H3C4: variants seen among roughly 807,000 people sequenced by gnomAD.
H3C4 encodes the protein histone H3.1.
H3C4 carries 10 observed loss-of-function variants against 8.7 expected under a neutral mutation model. The ratio of observed to expected loss-of-function variants is 1.15; its 90% CI spans 0.71 to 1.96. H3C4 has a LOEUF of 1.96. Among genes scored for constraint, H3C4 ranks in the 30% most tolerant of loss-of-function variants. The pLI is 0.00. For synonymous variants in H3C4, 141 were observed against 80.1 expected, an observed-to-expected ratio of 1.76 and a Z score of -4.06; for missense variants, 216 against 192.9, an observed-to-expected ratio of 1.12 and a Z score of -0.71.
Position 26,197,285 on chromosome 6 carries a change from A to AG in H3C4, c.-36_-35insC. On this transcript the variant is annotated 5_prime_UTR_variant, in exon 1 of 1. Coordinates refer to ENST00000356476, the MANE Select transcript of H3C4 (RefSeq NM_001376937.1). ...CTAAACCCTGCTAAATGACGAAAAA[A>AG]CGAAAGTCTAGCCTTTCGTACCCGT... 1 of 1,588,838 alleles carries AG rather than the reference A, an allele frequency of 6.3e-7. No homozygotes were observed. Among genetic ancestry groups the AG allele is most frequent in the Non-Finnish European group, 8.5e-7 (1 of 1,171,972 alleles).
In H3C4 at chr6:26,197,276, G is replaced by A. The variant is rs565619787; in HGVS notation, c.-26C>T. On this transcript the variant is annotated 5_prime_UTR_variant, in exon 1 of 1. Transcript: ENST00000356476. Reference sequence around the variant, plus strand: ...TGCGAACTTCTAAACCCTGCTAAATGACGAAAAAACGAAAGTCTAGCCTTT... The same window carrying A: ...TGCGAACTTCTAAACCCTGCTAAATAACGAAAAAACGAAAGTCTAGCCTTT... 7.4e-5 allele frequency: 117 copies of A among 1,588,650 alleles called. 3 individuals are homozygous for A. The South Asian group carries it at 1.3e-3, about 17-fold the overall frequency.
chr6:26,198,730 A>T, upstream of H3C4: 1 of 980,546 alleles, frequency 1.0e-6, no homozygotes, highest in Non-Finnish European at 1.5e-6. Flanking sequence ...ATTATTAAAG[A>T]AAACTGCAAA....
chr6:26,199,157 G>T, upstream of H3C4: 8 of 1,614,192 alleles, frequency 5.0e-6, no homozygotes, highest in Non-Finnish European at 6.8e-6. Flanking sequence ...GGTGTACGCG[G>T]CCCACAGGGA....
chr6:26,199,252 C>G (rs376523430), upstream of H3C4: 2 of 1,591,828 alleles, frequency 1.3e-6, no homozygotes, highest in South Asian at 1.2e-5. Context: ...ATTTTGAATT[C>G]TTAAAAACGA....
chr6:26,198,175 C>G (rs1360737944), upstream of H3C4, among the ~76,000 whole-genome samples: 3 of 152,178 alleles, frequency 2.0e-5, no homozygotes, highest in East Asian at 3.8e-4. Context: ...AAGTCACTAA[C>G]TATATTTTTA....
At chr6:26,198,773 T>C (rs750883078), upstream of H3C4, 14 of 1,428,314 alleles carry the variant, frequency 9.8e-6, no homozygotes, top group South Asian at 1.2e-5. Flanking sequence ...TGAGCCCTTT[T>C]AAGGAATACA....
chr6:26,198,035 G>A (rs939685126), upstream of H3C4, among the ~76,000 whole-genome samples: 7 of 151,634 alleles, frequency 4.6e-5, no homozygotes, highest in African/African-American at 1.2e-4. Flanking sequence ...AATTAATTAG[G>A]GTTAGCTCAG....
At chr6:26,198,344 TTTG>T (rs1765030463), upstream of H3C4, among the ~76,000 whole-genome samples, 1 of 151,964 alleles carries the variant, frequency 6.6e-6, no homozygotes, top group Non-Finnish European at 1.5e-5. Flanking sequence ...TGGGTTTTTG[TTTG>T]TTTTGAGACA....
rs756483478 is a variant in H3C4, at chr6:26,197,113, C to T, written c.138G>A (p.Thr46=). 6.2e-7 allele frequency: 1 copy of T among 1,614,184 alleles called. No individual in the cohort carries two copies. Among genetic ancestry groups the T allele is most frequent in the Non-Finnish European group, 8.5e-7 (1 of 1,180,030 alleles). Residue 46 remains threonine, a synonymous_variant, in exon 1 of 1, where the codon ACG becomes ACA. Transcript: ENST00000356476. ...VKKPHRYRPG[T]VALREIRRYQ... is the part of the protein sequence containing the mutation. ...AGCGGCGGATCTCGCGCAGAGCCAC[C>T]GTGCCGGGCCGGTAACGGTGGGGCT...
upstream of H3C4, chr6:26,199,152 A>G (rs984669097): frequency 1.2e-6 from 2 of 1,614,152 alleles, no homozygotes; most frequent in African/African-American, 2.7e-5. Flanking sequence ...CAAGCGGTGT[A>G]CGCGGCCCAC....
At chr6:26,199,257 A>C (rs1275621297), upstream of H3C4, 1 of 1,590,966 alleles carries the variant, frequency 6.3e-7, no homozygotes, top group East Asian at 2.2e-5. Context: ...GAATTCTTAA[A>C]AACGATGTTA....
chr6:26,197,667 G>A (rs779381223), upstream of H3C4, among the ~76,000 whole-genome samples: 1 of 151,966 alleles, frequency 6.6e-6, no homozygotes, highest in African/African-American at 2.4e-5. Context: ...CTTAAGTTTA[G>A]AAAGGTTAAT....
At position 26,197,152 on chromosome 6, in the gene H3C4, G is replaced by A. The variant is rs2113856858; in HGVS notation, c.99C>T (p.Thr33=). 6.2e-7 allele frequency: 1 copy of A among 1,614,136 alleles called. No individual in the cohort carries two copies. The highest frequency in any genetic ancestry group is 8.5e-7 in the Non-Finnish European group (1 of 1,180,020). Residue 33 remains threonine, a synonymous_variant, in exon 1 of 1, where the codon ACC becomes ACT. Coordinates refer to ENST00000356476, the MANE Select transcript of H3C4 (RefSeq NM_001376937.1). ...AACGGTGGGGCTTCTTCACGCCGCC[G>A]GTGGCTGGAGCGCTCTTTCGAGCAG... is the stretch of plus-strand genomic sequence containing the variant. ...TKAARKSAPA[T]GGVKKPHRYR...
rs1561980553 is a variant in H3C4 at position 26,197,129 on chromosome 6, C to G, written c.122G>C (p.Arg41Pro). Residue 41 changes from arginine (R) to proline (P), a missense_variant, in exon 1 of 1, where the codon CGT becomes CCT. Physicochemically the swap from Arg to Pro is moderately radical, Grantham distance 103 (BLOSUM62 -2). Coordinates refer to ENST00000356476, the MANE Select transcript of H3C4 (RefSeq NM_001376937.1). ...CAGAGCCACCGTGCCGGGCCGGTAA[C>G]GGTGGGGCTTCTTCACGCCGCCGGT... Reference protein sequence around the residue: ...PATGGVKKPHRYRPGTVALRE... With the variant: ...PATGGVKKPHPYRPGTVALRE... 6.2e-7 allele frequency: 1 copy of G among 1,614,198 alleles called. No homozygotes were observed. The highest frequency in any genetic ancestry group is 8.5e-7 in the Non-Finnish European group (1 of 1,180,030).
At chr6:26,198,715 G>A, upstream of H3C4, 5 of 827,814 alleles carry the variant, frequency 6.0e-6, no homozygotes, top group Non-Finnish European at 7.5e-6. Flanking sequence ...CTTATAAATG[G>A]AAAAATTATT....
At chr6:26,199,189 A>C (rs765570067), upstream of H3C4, 31 of 1,613,840 alleles carry the variant, frequency 1.9e-5, no homozygotes, top group South Asian at 7.7e-5. Flanking sequence ...GCCCGCGAAG[A>C]GCGGGTCTTA....
At position 26,196,831 on chromosome 6, in the gene H3C4, C is replaced by G. The variant is rs748656985; in HGVS notation, c.*9G>C. ...TTGGGTTTTGGTTAGCACACATTCA[C>G]AAGACAATTTACGCCCTCTCCCCAC... On this transcript the variant is annotated 3_prime_UTR_variant, in exon 1 of 1. Transcript: ENST00000356476. 2 of 1,614,026 alleles carry G rather than the reference C, an allele frequency of 1.2e-6. No homozygotes were observed. Among genetic ancestry groups the G allele is most frequent in the Non-Finnish European group, 1.7e-6 (2 of 1,180,000 alleles).
chr6:26,198,728 AG>A, upstream of H3C4: 1 of 958,318 alleles, frequency 1.0e-6, no homozygotes, highest in Non-Finnish European at 1.6e-6. Flanking sequence ...AAATTATTAA[AG>A]AAAACTGCAA....
In H3C4 at chr6:26,197,045, T is replaced by C; in HGVS notation, c.206A>G (p.Gln69Arg). ...TELLIRKLPF[Q>R]RLVREIAQDF... Reference sequence around the variant, plus strand: ...CTGCGCGATCTCACGGACTAGACGCTGGAATGGCAGTTTGCGAATCAGCAG... The same window carrying C: ...CTGCGCGATCTCACGGACTAGACGCCGGAATGGCAGTTTGCGAATCAGCAG... The change falls in exon 1 of 1, where the codon CAG becomes CGG. Residue 69 changes from glutamine (Q) to arginine (R), a missense_variant. Transcript: ENST00000356476. The C allele has an allele frequency of 3.1e-6, 5 of 1,614,194 alleles. No homozygotes were observed. Among genetic ancestry groups the C allele is most frequent in the Non-Finnish European group, 4.2e-6 (5 of 1,180,032 alleles).
Sources: allele counts gnomAD v4.1 joint callset (sites outside exome capture counted in the v4.1 genomes callset), GRCh38; gene constraint gnomAD v4.1.1; transcripts MANE v1.5; gene names NCBI Gene and HGNC (gene_info 2026-07-23, HGNC 2026-07-21).